RALYL: variants seen among roughly 807,000 people sequenced by gnomAD.
RALYL encodes RNA-binding Raly-like protein.
A neutral mutation model predicts 35.1 loss-of-function variants in RALYL; 29 were observed. That is an observed-to-expected ratio of 0.83 (90% CI 0.61 to 1.13). The LOEUF is 1.13. Ranked by LOEUF, RALYL falls within the 50% of genes most tolerant of loss-of-function variation. The pLI, the probability that RALYL is intolerant of heterozygous loss-of-function variation, is 0.00. For missense variants in RALYL, 359 were observed against 360.4 expected (o/e 1.00, Z 0.03); for synonymous variants, 120 against 127.6 (o/e 0.94, Z 0.40).
chr8:84,436,543 GTTTTTTTTTT>G (rs150233257), intron 1 of RALYL, among the ~76,000 whole-genome samples: 19 of 62,394 alleles, frequency 3.0e-4, no homozygotes, highest in Non-Finnish European at 1.9e-4. Flanking sequence ...AATCATGGGA[GTTTTTTTTTT>G]TTTTTTTTTT....
intron 2 of RALYL, among the ~76,000 whole-genome samples, chr8:84,609,084 CAT>C (rs1313483418): frequency 1.3e-5 from 2 of 152,126 alleles, no homozygotes; most frequent in African/African-American, 4.8e-5. Context: ...CATTCTTCCT[CAT>C]ATGTCTCAGA....
intron 2 of RALYL, among the ~76,000 whole-genome samples, chr8:84,611,704 G>A (rs769294020): frequency 5.9e-5 from 9 of 152,056 alleles, no homozygotes; most frequent in Non-Finnish European, 2.9e-5. Context: ...ATATATGGTC[G>A]TACATCATAT....
intron 1 of RALYL, among the ~76,000 whole-genome samples, chr8:84,441,229 G>T (rs983502892): frequency 6.6e-6 from 1 of 152,026 alleles, no homozygotes; most frequent in Non-Finnish European, 1.5e-5. Context: ...TTCCAGGGGA[G>T]AAACTTTTTG....
At chr8:84,408,595 T>C (rs1039461732) in intron 1 of RALYL, among the ~76,000 whole-genome samples, 2 of 152,170 alleles carry the variant, frequency 1.3e-5, no homozygotes, top group African/African-American at 4.8e-5. Context: ...ATGGACGCTC[T>C]CTATGTAGTC....
intron 1 of RALYL, among the ~76,000 whole-genome samples, chr8:84,420,231 T>C (rs2045342021): frequency 6.6e-6 from 1 of 152,044 alleles, no homozygotes; most frequent in Non-Finnish European, 1.5e-5. Context: ...TTTTAATGAT[T>C]GCCATTCTAA....
intron 2 of RALYL, among the ~76,000 whole-genome samples, chr8:84,750,862 T>G (rs770743509): frequency 1.8e-4 from 28 of 152,126 alleles, no homozygotes; most frequent in Non-Finnish European, 4.0e-4. Flanking sequence ...CCTCCATAAC[T>G]GTAAGAAATA....
At position 84,312,862 on chromosome 8, in the gene RALYL, G is replaced by A. The variant is rs1046106273; in HGVS notation, c.-24+128438G>A. ...GGAGGACAGTGGCCCTTTTCTCACA[G>A]CTCCACTAGGCTCTACTAGTGCCCC... is the stretch of plus-strand genomic sequence containing the variant. On this transcript the variant is annotated intron_variant, in intron 1 of 8. Coordinates refer to ENST00000521268, the MANE Select transcript of RALYL (RefSeq NM_173848.7). 2.6e-5 allele frequency among the ~76,000 whole-genome samples: 4 copies of A among 152,202 alleles called. No homozygotes were observed. In the East Asian group the frequency reaches 7.7e-4, roughly 29 times the overall value.
intron 1 of RALYL, among the ~76,000 whole-genome samples, chr8:84,192,925 C>A (rs1377057567): frequency 3.5e-5 from 5 of 140,962 alleles, no homozygotes; most frequent in Admixed American, 7.2e-5. Context: ...GGGTTGTGTA[C>A]GTGTATATGT....
In RALYL at chr8:84,861,164, A is replaced by G. The variant is rs368848947; in HGVS notation, c.414-1132A>G. On this transcript the variant is annotated intron_variant, in intron 5 of 8. Transcript: ENST00000521268. ...AAAGTAATTATAAGAATGTAATCCA[A>G]TATTTTATTCTGTCACAATAAAATA... Among the ~76,000 whole-genome samples the G allele has an allele frequency of 2.6e-5, 4 of 152,290 alleles. No individual in the cohort carries two copies. The East Asian group carries it at 5.8e-4, about 22-fold the overall frequency.
At chr8:84,642,595 T>A (rs1826603367) in intron 2 of RALYL, among the ~76,000 whole-genome samples, 1 of 152,038 alleles carries the variant, frequency 6.6e-6, no homozygotes, top group South Asian at 2.1e-4. Flanking sequence ...TTGCTTTAAT[T>A]TGTCTGTCAG....
At chr8:84,820,369 A>T (rs1563677228) in intron 4 of RALYL, among the ~76,000 whole-genome samples, 1 of 152,310 alleles carries the variant, frequency 6.6e-6, no homozygotes, top group Middle Eastern at 3.4e-3. Context: ...AGTAAACTTG[A>T]CATGCATAAG....
chr8:84,641,585 C>A (rs539399382), intron 2 of RALYL, among the ~76,000 whole-genome samples: 1 of 151,510 alleles, frequency 6.6e-6, no homozygotes, highest in Non-Finnish European at 1.5e-5. Flanking sequence ...CCATTTTTAC[C>A]AGTTGATCTA....
intron 1 of RALYL, among the ~76,000 whole-genome samples, chr8:84,523,406 C>T (rs560948194): frequency 6.6e-6 from 1 of 152,248 alleles, no homozygotes; most frequent in African/African-American, 2.4e-5. Flanking sequence ...TCCCATAATA[C>T]ATACAGATTA....
At chr8:84,615,100 T>G (rs1588517176) in intron 2 of RALYL, among the ~76,000 whole-genome samples, 2 of 151,826 alleles carry the variant, frequency 1.3e-5, no homozygotes, top group African/African-American at 4.9e-5. Flanking sequence ...AATCAATATG[T>G]GTGCTTTTTT....
intron 1 of RALYL, among the ~76,000 whole-genome samples, chr8:84,278,805 G>A (rs558283417): frequency 1.3e-5 from 2 of 152,204 alleles, no homozygotes; most frequent in South Asian, 4.1e-4. Context: ...CAGCATTTTG[G>A]TCAAAGCCAT....
chr8:84,603,923 G>GTTTT (rs999585015), intron 2 of RALYL, among the ~76,000 whole-genome samples: 8 of 151,722 alleles, frequency 5.3e-5, no homozygotes, highest in African/African-American at 1.9e-4. Context: ...CTTTTATCAG[G>GTTTT]TTTTTTTTGT....
chr8:84,791,403 A>C (rs1820749839), intron 3 of RALYL, among the ~76,000 whole-genome samples: 1 of 152,236 alleles, frequency 6.6e-6, no homozygotes, highest in African/African-American at 2.4e-5. Flanking sequence ...GAATAATGGC[A>C]GAGATGTAAA....
At chr8:84,815,422 A>G (rs10102771) in intron 4 of RALYL, among the ~76,000 whole-genome samples, 4,434 of 147,880 alleles carry the variant, frequency 0.03, 208 homozygotes, top group African/African-American at 0.1. Context: ...TTATATATTT[A>G]TTAAATATAT....
At chr8:84,360,720 G>T (rs577811945) in intron 1 of RALYL, among the ~76,000 whole-genome samples, 2 of 152,234 alleles carry the variant, frequency 1.3e-5, no homozygotes, top group South Asian at 2.1e-4. Context: ...CTTAAAAATA[G>T]AATACATTTC....
Sources: allele counts gnomAD v4.1 joint callset (sites outside exome capture counted in the v4.1 genomes callset), GRCh38; gene constraint gnomAD v4.1.1; transcripts MANE v1.5; gene names NCBI Gene and HGNC (gene_info 2026-07-23, HGNC 2026-07-21).